SRGAP1: variants seen among roughly 807,000 people sequenced by gnomAD.
SRGAP1 encodes the protein SLIT-ROBO Rho GTPase activating protein 1, also known as SLIT-ROBO Rho GTPase-activating protein 1.
Under a neutral mutation model 121.9 loss-of-function variants are expected in SRGAP1, and 43 were observed. The observed-to-expected ratio is 0.35, with a 90% CI of 0.28 to 0.46. The LOEUF is 0.46. SRGAP1 is among the 20% of genes least tolerant of loss of function. SRGAP1 has a pLI of 1.00. For synonymous variants in SRGAP1, 447 were observed against 485.4 expected, an observed-to-expected ratio of 0.92 and a Z score of 1.04; for missense variants, 1,102 against 1,350.9, an observed-to-expected ratio of 0.82 and a Z score of 2.89.
intron 1 of SRGAP1, among the ~76,000 whole-genome samples, chr12:63,921,981 C>CTTT (rs745306989): frequency 7.0e-6 from 1 of 143,632 alleles, no homozygotes; most frequent in Non-Finnish European, 1.5e-5. Flanking sequence ...TGATTTCTTT[C>CTTT]TTTTTTTTTT....
intron 3 of SRGAP1, among the ~76,000 whole-genome samples, chr12:64,004,496 T>C (rs146208075): frequency 1.5e-3 from 227 of 152,166 alleles, no homozygotes; most frequent in Middle Eastern, 3.4e-3. Flanking sequence ...CTCAGCCTCC[T>C]GAGTGACTGG....
rs1230767852 is a variant in SRGAP1, at chr12:64,046,717, G to A, written c.801+3142G>A. Among the ~76,000 whole-genome samples, 7 of 152,252 alleles carry A rather than the reference G, an allele frequency of 4.6e-5. No individual in the cohort carries two copies. The East Asian group carries it at 1.4e-3, about 29-fold the overall frequency. Reference sequence around the variant, plus strand: ...TCTGAGAAGACTGAGATACCTATCAGACATCTGTGTGGAGATGTAAAGGAG... The same window carrying A: ...TCTGAGAAGACTGAGATACCTATCAAACATCTGTGTGGAGATGTAAAGGAG... On this transcript the variant is annotated intron_variant, in intron 6 of 21. Coordinates refer to ENST00000355086, the MANE Select transcript of SRGAP1 (RefSeq NM_020762.4).
rs7964633 is a variant in SRGAP1, at chr12:64,149,997, C to T, written c.*7325C>T. 67,951 of 151,952 alleles carry T rather than the reference C, an allele frequency of 0.45. 15,960 individuals carry two copies. The highest frequency in any genetic ancestry group is 0.58 in the East Asian group (3,000 of 5,164). 9.4% of individuals were successfully genotyped at this position (151,952 alleles called of 1,614,324 possible). The stretch of plus-strand genomic sequence containing the variant: ...TAATAATCACGGTGAGGTTCATCAC[C>T]TCTTCAGTAGCCTTTTATCTGTTTC... On this transcript the variant is annotated 3_prime_UTR_variant, in exon 22 of 22. Transcript: ENST00000355086.
At chr12:64,129,619 C>A (rs1217603488) in intron 21 of SRGAP1, among the ~76,000 whole-genome samples, 1 of 152,166 alleles carries the variant, frequency 6.6e-6, no homozygotes, top group African/African-American at 2.4e-5. Context: ...CGTACATAAT[C>A]TTCAAATAAA....
intron 1 of SRGAP1, among the ~76,000 whole-genome samples, chr12:63,853,240 C>T (rs1274951824): frequency 2.6e-5 from 4 of 151,944 alleles, no homozygotes; most frequent in Non-Finnish European, 5.9e-5. Flanking sequence ...AGGCTGGTCT[C>T]GAACTCCTGA....
In SRGAP1 at chr12:64,150,495, C is replaced by G. The variant is rs1230877694; in HGVS notation, c.*7823C>G. ...CCCAAGGAACCCCTTGTGTAAAAAT[C>G]ATGTCCCTCTAAATGCAAGTGGATG... is the stretch of plus-strand genomic sequence containing the variant. On this transcript the variant is annotated 3_prime_UTR_variant, in exon 22 of 22. Coordinates refer to ENST00000355086, the MANE Select transcript of SRGAP1 (RefSeq NM_020762.4). The G allele has an allele frequency of 6.6e-6, 1 of 152,126 alleles. No homozygotes were observed. The highest frequency in any genetic ancestry group is 1.5e-5 in the Non-Finnish European group (1 of 68,022). The allele number at this position is 152,126 out of a possible 1,614,324, so 9.4% of individuals were successfully genotyped here. A position where few individuals can be genotyped will look rare whatever the true frequency, so the allele number is the denominator to read the frequency against.
intron 8 of SRGAP1, among the ~76,000 whole-genome samples, chr12:64,075,239 G>A (rs1267967519): frequency 6.6e-6 from 1 of 152,226 alleles, no homozygotes; most frequent in Non-Finnish European, 1.5e-5. Context: ...GGGAAACGAA[G>A]GGATGGGCCG....
chr12:63,965,328 A>G (rs1317992774), intron 1 of SRGAP1, among the ~76,000 whole-genome samples: 1 of 152,202 alleles, frequency 6.6e-6, no homozygotes, highest in East Asian at 1.9e-4. Context: ...AAAATATTTG[A>G]AAAGATATAC....
At chr12:63,935,111 C>T (rs1035311489) in intron 1 of SRGAP1, among the ~76,000 whole-genome samples, 4 of 152,186 alleles carry the variant, frequency 2.6e-5, no homozygotes, top group Non-Finnish European at 5.9e-5. Context: ...TGTTTTTCCA[C>T]ACCACTCAAC....
At chr12:64,067,224 G>A (rs1457274721) in intron 8 of SRGAP1, among the ~76,000 whole-genome samples, 4 of 152,134 alleles carry the variant, frequency 2.6e-5, no homozygotes. Context: ...GCATAATGTG[G>A]AGAAGCACAG....
intron 4 of SRGAP1, among the ~76,000 whole-genome samples, chr12:64,026,845 G>A (rs2034663150): frequency 6.6e-6 from 1 of 150,396 alleles, no homozygotes. Context: ...CAGCCTGGGG[G>A]TCAGAGCAAG....
intron 1 of SRGAP1, among the ~76,000 whole-genome samples, chr12:63,889,782 C>T (rs1900516284): frequency 6.6e-6 from 1 of 152,054 alleles, no homozygotes; most frequent in South Asian, 2.1e-4. Context: ...GTGTGAAGCG[C>T]CTGTAATCCC....
At chr12:64,060,035 A>C (rs928126563) in intron 6 of SRGAP1, among the ~76,000 whole-genome samples, 10 of 151,894 alleles carry the variant, frequency 6.6e-5, no homozygotes, top group Non-Finnish European at 1.2e-4. Flanking sequence ...GTTTTAGGGC[A>C]TTGCTTCTTA....
At chr12:63,877,272 T>C (rs1900060081) in intron 1 of SRGAP1, among the ~76,000 whole-genome samples, 1 of 152,166 alleles carries the variant, frequency 6.6e-6, no homozygotes, top group South Asian at 2.1e-4. Flanking sequence ...TTTAATTGTG[T>C]AGTCTGTATT....
chr12:63,950,637 C>G (rs759185189), intron 1 of SRGAP1, among the ~76,000 whole-genome samples: 1 of 152,030 alleles, frequency 6.6e-6, no homozygotes, highest in South Asian at 2.1e-4. Context: ...TGTGTCCCTC[C>G]GTGCCCTCCT....
rs73315354 is a variant in SRGAP1, at chr12:63,868,788, T to A, written c.67+23905T>A. ...CTCCTTAACTTTTAAGTGCTATCAA[T>A]AGTTCTAAAAGGTCAGACCACTTCC... is the stretch of plus-strand genomic sequence containing the variant. On this transcript the variant is annotated intron_variant, in intron 1 of 21. Coordinates refer to ENST00000355086, the MANE Select transcript of SRGAP1 (RefSeq NM_020762.4). Among the ~76,000 whole-genome samples, 740 of 152,340 alleles carry A rather than the reference T, an allele frequency of 4.9e-3. 11 individuals are homozygous for A. Among genetic ancestry groups the A allele is most frequent in the African/African-American group, 0.017 (708 of 41,576 alleles).
At chr12:63,915,002 ATCTAC>A (rs1264008358) in intron 1 of SRGAP1, among the ~76,000 whole-genome samples, 4 of 152,216 alleles carry the variant, frequency 2.6e-5, no homozygotes, top group African/African-American at 9.6e-5. Flanking sequence ...TTTTGTTTTA[ATCTAC>A]TCAGCATTTC....
chr12:63,850,183 CT>C (rs1365118633), intron 1 of SRGAP1, among the ~76,000 whole-genome samples: 1 of 152,100 alleles, frequency 6.6e-6, no homozygotes, highest in Non-Finnish European at 1.5e-5. Context: ...GCAACAAGGC[CT>C]TTACAGTGCC....
chr12:63,978,467 G>T (rs747112533), intron 1 of SRGAP1, among the ~76,000 whole-genome samples: 1 of 152,038 alleles, frequency 6.6e-6, no homozygotes, highest in Non-Finnish European at 1.5e-5. Flanking sequence ...ATAGACTGTG[G>T]TTTTTTGTGA....
Sources: gnomAD v4.1 joint callset for allele counts (sites outside exome capture counted in the v4.1 genomes callset) on GRCh38, gnomAD v4.1.1 for gene constraint, MANE v1.5 for transcripts, NCBI Gene and HGNC (gene_info 2026-07-23, HGNC 2026-07-21) for gene names.